KANK1: variants seen among roughly 807,000 people sequenced by gnomAD.
KANK1 encodes the protein KN motif and ankyrin repeat domain-containing protein 1.
In KANK1, 109 loss-of-function variants were observed where a neutral mutation model predicts 106.2. The observed-to-expected ratio is 1.03, with a 90% CI of 0.88 to 1.20. The LOEUF (loss-of-function observed/expected upper bound fraction) is 1.20. KANK1 is among the 50% of genes most tolerant of loss of function. The pLI is 0.00. For missense variants in KANK1, 2,399 were observed against 1,710.7 expected (o/e 1.40, Z -7.10); for synonymous variants, 873 against 652.2 (o/e 1.34, Z -5.16).
chr9:504,570 C>T (rs1023215460), upstream of KANK1: 12 of 151,280 alleles, frequency 7.9e-5, no homozygotes, highest in Non-Finnish European at 1.6e-4. Flanking sequence ...TGTCGCCCAC[C>T]GCGGGTGAGA....
intron 1 of KANK1, among the ~76,000 whole-genome samples, chr9:515,394 A>G (rs867210049): frequency 6.6e-6 from 1 of 151,092 alleles, no homozygotes; most frequent in East Asian, 1.9e-4. Context: ...ATCTAGAGAC[A>G]TTGTATCAGT....
chr9:667,396 C>G (rs1844884874), intron 1 of KANK1, among the ~76,000 whole-genome samples: 1 of 151,562 alleles, frequency 6.6e-6, no homozygotes, highest in Non-Finnish European at 1.5e-5. Flanking sequence ...ATGTTTTAAT[C>G]TCAATTTCAT....
chr9:618,553 C>G (rs939954171), intron 1 of KANK1, among the ~76,000 whole-genome samples: 1 of 152,038 alleles, frequency 6.6e-6, no homozygotes, highest in African/African-American at 2.4e-5. Context: ...TTCTCTTAGT[C>G]AAAATACTTA....
At chr9:699,553 G>C (rs1822154158) in intron 2 of KANK1, among the ~76,000 whole-genome samples, 1 of 152,124 alleles carries the variant, frequency 6.6e-6, no homozygotes. Flanking sequence ...GAAATCCAAA[G>C]ATTTGTGGGG....
At chr9:673,813 A>G (rs952573376) in intron 1 of KANK1, 1 of 152,000 alleles carries the variant, frequency 6.6e-6, no homozygotes, top group African/African-American at 2.4e-5. Flanking sequence ...AAGGTTTTAC[A>G]TGGTGGTATT....
In KANK1 at chr9:715,975, C is replaced by T. The variant is rs142056534; in HGVS notation, c.2698+2511C>T. 5.3e-4 allele frequency among the ~76,000 whole-genome samples: 81 copies of T among 152,258 alleles called. No homozygotes were observed. The East Asian group carries it at 0.013, about 25-fold the overall frequency. Reference sequence around the variant, plus strand: ...GTGCACTGTGCATTCCTGTGCACACCATACCATAGAGAATAGCACTCACCA... The same window carrying T: ...GTGCACTGTGCATTCCTGTGCACACTATACCATAGAGAATAGCACTCACCA... On this transcript the variant is annotated intron_variant, in intron 3 of 11. Transcript: ENST00000382297.
intron 1 of KANK1, among the ~76,000 whole-genome samples, chr9:575,455 C>T (rs1820292045): frequency 6.8e-6 from 1 of 147,584 alleles, no homozygotes; most frequent in Non-Finnish European, 1.5e-5. Context: ...ATCATTTGAG[C>T]CCAGGAGTTT....
At chr9:610,538 A>G (rs565124047) in intron 1 of KANK1, among the ~76,000 whole-genome samples, 114 of 152,320 alleles carry the variant, frequency 7.5e-4, no homozygotes, top group Non-Finnish European at 1.2e-3. Flanking sequence ...GGTTTAATAT[A>G]GCAGCTGGTT....
At chr9:494,568 TCTAA>T (rs1204594133) in intron 3 of KANK1, among the ~76,000 whole-genome samples, 1 of 152,190 alleles carries the variant, frequency 6.6e-6, no homozygotes, top group Non-Finnish European at 1.5e-5. Context: ...TCTTGGTCAT[TCTAA>T]CTTTCTCTCT....
At chr9:718,960 T>G (rs1828537206) in intron 3 of KANK1, among the ~76,000 whole-genome samples, 1 of 133,360 alleles carries the variant, frequency 7.5e-6, no homozygotes, top group African/African-American at 3.0e-5. Context: ...GCCCTTTTTT[T>G]TTTTTTTTTT....
At position 599,839 on chromosome 9, in the gene KANK1, C is replaced by T. The variant is rs915354136; in HGVS notation, c.-83-77051C>T. Reference sequence around the variant, plus strand: ...TGGGTATTTGCAGGCAGTCATGGAACCAGTCCTCCTTGTATATCGAGGGAT... The same window carrying T: ...TGGGTATTTGCAGGCAGTCATGGAATCAGTCCTCCTTGTATATCGAGGGAT... On this transcript the variant is annotated intron_variant, in intron 1 of 11. Coordinates refer to ENST00000382297, the MANE Select transcript of KANK1 (RefSeq NM_015158.5). Among the ~76,000 whole-genome samples the T allele has an allele frequency of 4.0e-4, 61 of 151,780 alleles. 1 individual carries two copies. The highest frequency in any genetic ancestry group is 1.5e-3 in the African/African-American group (61 of 41,084).
chr9:695,078 T>C (rs781318172), intron 2 of KANK1, among the ~76,000 whole-genome samples: 4 of 152,318 alleles, frequency 2.6e-5, no homozygotes, highest in South Asian at 4.1e-4. Context: ...CAGGGCTCTC[T>C]TGCCCATGGC....
intron 1 of KANK1, among the ~76,000 whole-genome samples, chr9:571,908 A>G (rs572253078): frequency 6.5e-4 from 99 of 152,328 alleles, no homozygotes; most frequent in African/African-American, 2.3e-3. Context: ...TTCATGTCTC[A>G]TAAATCAAGT....
At chr9:521,176 T>A (rs1313054648) in intron 1 of KANK1, among the ~76,000 whole-genome samples, 1 of 151,772 alleles carries the variant, frequency 6.6e-6, no homozygotes, top group Non-Finnish European at 1.5e-5. Context: ...AGTCATACAT[T>A]GCTGTGAGGA....
chr9:575,353 A>T (rs113990035), intron 1 of KANK1, among the ~76,000 whole-genome samples: 37 of 152,178 alleles, frequency 2.4e-4, no homozygotes, highest in African/African-American at 8.9e-4. Context: ...TTAGTACTTC[A>T]TGAGACTTCT....
At chr9:577,439 G>GT (rs1205334422) in intron 1 of KANK1, among the ~76,000 whole-genome samples, 1 of 152,140 alleles carries the variant, frequency 6.6e-6, no homozygotes, top group African/African-American at 2.4e-5. Flanking sequence ...TTTTTACAGA[G>GT]TGCTGATTGG....
chr9:621,479 A>G (rs958102723), intron 1 of KANK1, among the ~76,000 whole-genome samples: 2 of 152,176 alleles, frequency 1.3e-5, no homozygotes, highest in Non-Finnish European at 2.9e-5. Context: ...CAAGTGACCC[A>G]TTACTGCGGG....
intron 1 of KANK1, among the ~76,000 whole-genome samples, chr9:566,181 C>T (rs912763965): frequency 6.6e-6 from 1 of 152,182 alleles, no homozygotes; most frequent in Non-Finnish European, 1.5e-5. Flanking sequence ...ATGCAAAGGA[C>T]ATGATCTTAT....
At chr9:553,879 T>G (rs1025542892) in intron 1 of KANK1, among the ~76,000 whole-genome samples, 1 of 152,208 alleles carries the variant, frequency 6.6e-6, no homozygotes, top group Non-Finnish European at 1.5e-5. Flanking sequence ...GAATGAATGC[T>G]CATTTAAAAA....
Sources: gnomAD v4.1 joint callset for allele counts (sites outside exome capture counted in the v4.1 genomes callset) on GRCh38, gnomAD v4.1.1 for gene constraint, MANE v1.5 for transcripts, NCBI Gene and HGNC (gene_info 2026-07-23, HGNC 2026-07-21) for gene names.